MED12L: variants seen among roughly 807,000 people sequenced by gnomAD.
The protein encoded by MED12L is mediator complex subunit 12L.
A neutral mutation model predicts 281.3 loss-of-function variants in MED12L; 60 were observed. The observed-to-expected ratio is 0.21, with a 90% confidence interval of 0.17 to 0.26. The LOEUF is 0.26. Among genes scored for constraint, MED12L ranks in the 10% least tolerant of loss-of-function variants. MED12L has a pLI of 1.00. For missense variants in MED12L, 2,146 were observed against 2,680.9 expected (o/e 0.80, Z 4.41); for synonymous variants, 974 against 987.2 (o/e 0.99, Z 0.25).
intron 16 of MED12L, among the ~76,000 whole-genome samples, chr3:151,236,427 C>G (rs967691939): frequency 6.6e-6 from 1 of 152,120 alleles, no homozygotes; most frequent in Non-Finnish European, 1.5e-5. Context: ...AGCATTCAAG[C>G]AAGGATGACT....
At chr3:151,386,800 T>C (rs1713454302) in intron 36 of MED12L, among the ~76,000 whole-genome samples, 1 of 152,072 alleles carries the variant, frequency 6.6e-6, no homozygotes, top group African/African-American at 2.4e-5. Flanking sequence ...GGTCTTGAAC[T>C]CCTGACCTCG....
intron 16 of MED12L, among the ~76,000 whole-genome samples, chr3:151,285,346 G>A (rs1250270230): frequency 6.6e-6 from 1 of 152,090 alleles, no homozygotes; most frequent in African/African-American, 2.4e-5. Context: ...TTAGCCGGGT[G>A]TGGTGGCGGG....
At chr3:151,247,448 T>A (rs561554095) in intron 16 of MED12L, among the ~76,000 whole-genome samples, 1 of 152,006 alleles carries the variant, frequency 6.6e-6, no homozygotes, top group African/African-American at 2.4e-5. Context: ...AATGATGAGT[T>A]CATGTCCTTT....
chr3:151,321,481 G>C (rs1013257113), intron 16 of MED12L, among the ~76,000 whole-genome samples: 1 of 152,068 alleles, frequency 6.6e-6, no homozygotes, highest in Non-Finnish European at 1.5e-5. Context: ...GTGTATATAT[G>C]ATATAAAGTC....
intron 8 of MED12L, among the ~76,000 whole-genome samples, chr3:151,162,796 G>C (rs942995454): frequency 6.6e-6 from 1 of 152,114 alleles, no homozygotes; most frequent in African/African-American, 2.4e-5. Context: ...AATGGCACAA[G>C]AGCATAATGG....
chr3:151,368,250 G>A lies in MED12L; in HGVS notation c.3549G>A (p.Thr1183=), dbSNP rs545715170. 7.4e-6 allele frequency: 12 copies of A among 1,613,048 alleles called. No homozygotes were observed. The East Asian group carries it at 8.9e-5, about 12-fold the overall frequency. ...APQACFLPQA[T]GKPFPGIRSS... ...AGGCCTGCTTCTTACCTCAAGCAAC[G>A]GGTGAGCTGACTGCAGAAAAATCTG... is the stretch of plus-strand genomic sequence containing the variant. The change falls in exon 25 of 45, where the codon ACG becomes ACA. Residue 1183 remains threonine (T), a splice_region_variant and synonymous_variant. Coordinates refer to ENST00000687756, the MANE Select transcript of MED12L (RefSeq NM_001393769.1).
chr3:151,418,948 C>T (rs1717942969), intron 43 of MED12L, among the ~76,000 whole-genome samples: 1 of 152,030 alleles, frequency 6.6e-6, no homozygotes, highest in South Asian at 2.1e-4. Flanking sequence ...GTGTAATGAT[C>T]AAATAAGGGT....
At chr3:151,160,224 A>C in intron 8 of MED12L, 123 bp downstream of exon 8, 1 of 877,654 alleles carries the variant, frequency 1.1e-6, no homozygotes. Context: ...CACCCAAGTA[A>C]TTTATTGATT....
At position 151,137,155 on chromosome 3, in the gene MED12L, C is replaced by T. The variant is rs144437982; in HGVS notation, c.556+9171C>T. Among the ~76,000 whole-genome samples the T allele has an allele frequency of 3.9e-3, 519 of 133,680 alleles. 1 individual carries two copies. The highest frequency in any genetic ancestry group is 5.6e-3 in the Admixed American group (71 of 12,752). 87.7% of individuals were successfully genotyped at this position (133,680 alleles called of 152,430 possible). A position where few individuals can be genotyped will look rare whatever the true frequency, so the allele number is the denominator to read the frequency against. ...CCAGCCTGGTAACAGAGGTAGACTCCGTCTCAAAAAAAAAAAGAAAAAAAA... is the reference window on the plus strand; with the variant it reads ...CCAGCCTGGTAACAGAGGTAGACTCTGTCTCAAAAAAAAAAAGAAAAAAAA... On this transcript the variant is annotated intron_variant, in intron 5 of 44. Coordinates refer to ENST00000687756, the MANE Select transcript of MED12L (RefSeq NM_001393769.1).
chr3:151,249,305 GTATT>G (rs1404268349), intron 16 of MED12L, among the ~76,000 whole-genome samples: 1 of 152,180 alleles, frequency 6.6e-6, no homozygotes, highest in Admixed American at 6.5e-5. Flanking sequence ...AATAGCTTCT[GTATT>G]TATTGGGAAG....
chr3:151,416,518 C>A, intron 43 of MED12L, 96 bp downstream of exon 43: 1 of 1,305,388 alleles, frequency 7.7e-7, no homozygotes. Flanking sequence ...ATCGACAAAG[C>A]CTAAGTATAC....
At chr3:151,201,179 T>C (rs1403029690) in intron 16 of MED12L, among the ~76,000 whole-genome samples, 1 of 152,142 alleles carries the variant, frequency 6.6e-6, no homozygotes, top group African/African-American at 2.4e-5. Context: ...AAGTTTAGGC[T>C]TTTCGTATAT....
intron 16 of MED12L, among the ~76,000 whole-genome samples, chr3:151,290,273 T>G (rs918376717): frequency 2.0e-5 from 3 of 152,236 alleles, no homozygotes; most frequent in African/African-American, 7.2e-5. Flanking sequence ...ATTTCCAATT[T>G]AATTCTGTAT....
chr3:151,287,730 A>G (rs1743724266), intron 16 of MED12L, among the ~76,000 whole-genome samples: 1 of 152,218 alleles, frequency 6.6e-6, no homozygotes, highest in African/African-American at 2.4e-5. Context: ...TAAAGCATGT[A>G]GGACAGTGAC....
chr3:151,089,731 A>G (rs1480149371), intron 2 of MED12L, among the ~76,000 whole-genome samples: 1 of 151,912 alleles, frequency 6.6e-6, no homozygotes, highest in Non-Finnish European at 1.5e-5. Context: ...GATTGGTTAT[A>G]TTTTTTTGAG....
chr3:151,349,918 G>A (rs1753011006), intron 16 of MED12L, 141 bp from the exon 17 acceptor site: 1 of 578,530 alleles, frequency 1.7e-6, no homozygotes, highest in Non-Finnish European at 2.9e-6. Context: ...TGCCAGTGGA[G>A]GTTGAGGTGA....
intron 2 of MED12L, among the ~76,000 whole-genome samples, chr3:151,104,923 A>G (rs1721814533): frequency 1.3e-5 from 2 of 152,168 alleles, no homozygotes; most frequent in South Asian, 4.1e-4. Flanking sequence ...GACATTAGCT[A>G]TGCCAGATTA....
rs1403193240 is a variant in MED12L at position 151,434,402 on chromosome 3, C to T, written c.*1598C>T. The T allele has an allele frequency of 6.6e-6, 1 of 152,174 alleles. No individual in the cohort carries two copies. Among genetic ancestry groups the T allele is most frequent in the African/African-American group, 2.4e-5 (1 of 41,426 alleles). The allele number at this position is 152,174 out of a possible 1,614,324, so 9.4% of individuals were successfully genotyped here. ...CAACATCCATGTGAACTGCTTTGTACACTGTGAAAATATTTCACTCCAGCC... is the reference window on the plus strand; with the variant it reads ...CAACATCCATGTGAACTGCTTTGTATACTGTGAAAATATTTCACTCCAGCC... On this transcript the variant is annotated 3_prime_UTR_variant, in exon 45 of 45. Coordinates refer to ENST00000687756, the MANE Select transcript of MED12L (RefSeq NM_001393769.1).
chr3:151,291,971 T>A (rs1744313056), intron 16 of MED12L, among the ~76,000 whole-genome samples: 1 of 152,234 alleles, frequency 6.6e-6, no homozygotes, highest in Non-Finnish European at 1.5e-5. Context: ...ACATTAAACA[T>A]GCCTAGTAAC....
Sources: gnomAD v4.1 joint callset for allele counts (sites outside exome capture counted in the v4.1 genomes callset) on GRCh38, gnomAD v4.1.1 for gene constraint, MANE v1.5 for transcripts, NCBI Gene and HGNC (gene_info 2026-07-23, HGNC 2026-07-21) for gene names.